PRELID2: variants seen among roughly 807,000 people sequenced by gnomAD.
The protein encoded by PRELID2 is PRELI domain containing 2, also known as PRELI domain-containing protein 2.
PRELID2 carries 25 observed loss-of-function variants against 28.4 expected under a neutral mutation model. That is an observed-to-expected ratio of 0.88 (90% CI 0.64 to 1.23). The LOEUF (loss-of-function observed/expected upper bound fraction) is 1.23, where lower values mean the gene tolerates loss of function less well. Ranked by LOEUF, PRELID2 falls within the 50% of genes most tolerant of loss-of-function variation. The probability of loss-of-function intolerance (pLI) is 0.00; values close to 1 mark genes in which losing one functional copy is unlikely to be tolerated. For synonymous variants in PRELID2, 76 were observed against 71.6 expected, an observed-to-expected ratio of 1.06 and a Z score of -0.31; for missense variants, 201 against 214.4, an observed-to-expected ratio of 0.94 and a Z score of 0.39.
rs1561547526 is a variant in PRELID2, at chr5:145,697,036, TATA to T, written n.70+67892_70+67894del. ...GGATGTAGGAAAGAGAGGAAAATTA[TATA>T]TATATATATATATATATATATATAT... On this transcript the variant is annotated intron_variant and non_coding_transcript_variant, in intron 1 of 2. Transcript: ENST00000510259. Among the ~76,000 whole-genome samples, 62 of 11,142 alleles carry T rather than the reference TATA, an allele frequency of 5.6e-3. 2 individuals are homozygous for T. The highest frequency in any genetic ancestry group is 0.014 in the Admixed American group (12 of 856). 7.3% of individuals were successfully genotyped at this position (11,142 alleles called of 152,430 possible).
At chr5:145,597,958 C>T (rs13361864) in intron 1 of PRELID2, among the ~76,000 whole-genome samples, 29,364 of 151,968 alleles carry the variant, frequency 0.19, 5,011 homozygotes, top group African/African-American at 0.45. Flanking sequence ...TGCATCAAAA[C>T]CAGATAGTAA....
chr5:145,255,408 CA>C, the PRELID2 span, among the ~76,000 whole-genome samples: 1 of 151,738 alleles, frequency 6.6e-6, no homozygotes, highest in Non-Finnish European at 1.5e-5. Context: ...AAAAACATAT[CA>C]AGTGGAAATA....
chr5:145,352,832 C>T, the PRELID2 span, among the ~76,000 whole-genome samples: 1 of 152,134 alleles, frequency 6.6e-6, no homozygotes, highest in African/African-American at 2.4e-5. Flanking sequence ...AGTGAAGGGG[C>T]AAAATTCTAC....
In PRELID2 at chr5:145,758,305, T is replaced by TA. The variant is rs1300180450; in HGVS notation, c.*2230dup. Among the ~76,000 whole-genome samples the TA allele has an allele frequency of 1.3e-5, 2 of 152,040 alleles. No homozygotes were observed. Among genetic ancestry groups the TA allele is most frequent in the East Asian group, 1.9e-4 (1 of 5,192 alleles). ...TCTCTGTGCCTTGGTCTATTTCTAA[T>TA]AAAAAAATTCCTGCTACAAAGATCC... On this transcript the variant is annotated 3_prime_UTR_variant, in exon 7 of 7. Transcript: ENST00000683046.
At position 145,773,868 on chromosome 5, in the gene PRELID2, G is replaced by T. The variant is rs562444964; in HGVS notation, c.475-8868C>A. 1.4e-4 allele frequency among the ~76,000 whole-genome samples: 22 copies of T among 152,306 alleles called. No individual in the cohort carries two copies. In the South Asian group the frequency reaches 3.9e-3, roughly 27 times the overall value. On this transcript the variant is annotated intron_variant, in intron 5 of 6. Coordinates refer to ENST00000683046, the MANE Select transcript of PRELID2 (RefSeq NM_205846.3). Reference sequence around the variant, plus strand: ...ACAAATTGTCTTTAACAGAATAAATGAATCCAATTGATGCTCAAATAATAA... The same window carrying T: ...ACAAATTGTCTTTAACAGAATAAATTAATCCAATTGATGCTCAAATAATAA...
At chr5:145,592,276 G>A (rs970657829) in intron 1 of PRELID2, among the ~76,000 whole-genome samples, 2 of 152,040 alleles carry the variant, frequency 1.3e-5, no homozygotes, top group South Asian at 2.1e-4. Flanking sequence ...TTAGCTGGGC[G>A]TGGTGGTGGT....
At chr5:145,833,721 C>T (rs372842928) in intron 1 of PRELID2, among the ~76,000 whole-genome samples, 1 of 152,234 alleles carries the variant, frequency 6.6e-6, no homozygotes, top group African/African-American at 2.4e-5. Context: ...TACACCTTAT[C>T]GTTTAACAAA....
At chr5:145,471,224 C>A (rs931805355), downstream of PRELID2, among the ~76,000 whole-genome samples, 3 of 152,076 alleles carry the variant, frequency 2.0e-5, no homozygotes, top group Non-Finnish European at 2.9e-5. Flanking sequence ...CTATAAAAAT[C>A]TCTCTCATAG....
At chr5:145,569,261 G>T (rs922212884) in intron 1 of PRELID2, among the ~76,000 whole-genome samples, 5 of 152,010 alleles carry the variant, frequency 3.3e-5, no homozygotes, top group Non-Finnish European at 2.9e-5. Context: ...TAATAAAGAA[G>T]GAACTTATTA....
At chr5:145,714,706 T>G (rs960876478) in intron 1 of PRELID2, among the ~76,000 whole-genome samples, 2 of 152,210 alleles carry the variant, frequency 1.3e-5, no homozygotes, top group Non-Finnish European at 2.9e-5. Flanking sequence ...ACAAGTCTCC[T>G]TGTTGCCAAA....
At chr5:145,561,536 A>C (rs895590384) in intron 1 of PRELID2, among the ~76,000 whole-genome samples, 17 of 152,192 alleles carry the variant, frequency 1.1e-4, no homozygotes, top group African/African-American at 3.9e-4. Context: ...TAACAGTACT[A>C]GGTGCCAGTT....
the PRELID2 span, among the ~76,000 whole-genome samples, chr5:145,373,060 A>AAT: frequency 2.7e-4 from 19 of 69,308 alleles, 1 homozygote; most frequent in African/African-American, 6.9e-4. Context: ...CAACATATAT[A>AAT]ATATATGATA....
the PRELID2 span, among the ~76,000 whole-genome samples, chr5:145,394,364 A>C: frequency 6.7e-6 from 1 of 148,448 alleles, no homozygotes; most frequent in Middle Eastern, 3.4e-3. Context: ...GTTCTCACTC[A>C]TAGGTGGGAA....
the PRELID2 span, among the ~76,000 whole-genome samples, chr5:145,456,761 A>T: frequency 1.3e-5 from 2 of 152,342 alleles, no homozygotes; most frequent in East Asian, 3.9e-4. Context: ...TAAATGTGGA[A>T]ATTAAAGCTA....
the PRELID2 span, among the ~76,000 whole-genome samples, chr5:145,260,769 C>A: frequency 6.6e-6 from 1 of 152,262 alleles, no homozygotes; most frequent in Non-Finnish European, 1.5e-5. Flanking sequence ...AACTTTTGCT[C>A]AAAGAATTAC....
intron 1 of PRELID2, among the ~76,000 whole-genome samples, chr5:145,488,775 C>T (rs1011810433): frequency 6.6e-6 from 1 of 152,104 alleles, no homozygotes; most frequent in Non-Finnish European, 1.5e-5. Context: ...CAATCGAGTT[C>T]ATGGCCTCTT....
the PRELID2 span, among the ~76,000 whole-genome samples, chr5:145,451,890 G>A: frequency 6.6e-6 from 1 of 152,122 alleles, no homozygotes; most frequent in African/African-American, 2.4e-5. Context: ...GGTAGGTAAG[G>A]GGCCGGGAGA....
At chr5:145,652,382 T>A (rs1754313844) in intron 1 of PRELID2, among the ~76,000 whole-genome samples, 1 of 152,054 alleles carries the variant, frequency 6.6e-6, no homozygotes, top group South Asian at 2.1e-4. Context: ...AACATTCAAA[T>A]TCAGGAAATA....
At chr5:145,407,577 C>T in the PRELID2 span, among the ~76,000 whole-genome samples, 1 of 152,134 alleles carries the variant, frequency 6.6e-6, no homozygotes, top group Non-Finnish European at 1.5e-5. Context: ...TATGGCTCCA[C>T]CCATTGCCTA....
Sources: allele counts gnomAD v4.1 joint callset (sites outside exome capture counted in the v4.1 genomes callset), GRCh38; gene constraint gnomAD v4.1.1; transcripts MANE v1.5; gene names NCBI Gene and HGNC (gene_info 2026-07-23, HGNC 2026-07-21).